The following TOP1 variants were observed in gnomAD, a reference collection of about 807,000 sequenced individuals.
The protein encoded by TOP1 is DNA topoisomerase 1.
In TOP1, 10 loss-of-function variants were observed where a neutral mutation model predicts 111.1. That is an observed-to-expected ratio of 0.09 (90% CI 0.06 to 0.15). The LOEUF is 0.15. Ranked by LOEUF, TOP1 falls within the 10% of genes least tolerant of loss-of-function variation. The pLI, the probability that TOP1 is intolerant of heterozygous loss-of-function variation, is 1.00. For missense variants in TOP1, 474 were observed against 926.7 expected (o/e 0.51, Z 6.34); for synonymous variants, 271 against 302.9 (o/e 0.89, Z 1.10).
chr20:41,096,061 C>G (rs2033977583), intron 9 of TOP1, among the ~76,000 whole-genome samples: 1 of 152,116 alleles, frequency 6.6e-6, no homozygotes, highest in Admixed American at 6.6e-5. Flanking sequence ...ACATCTGAGT[C>G]CCTTTAGACA....
At position 41,102,388 on chromosome 20, in the gene TOP1, T is replaced by C. The variant is rs1227947251; in HGVS notation, c.1308+1035T>C. On this transcript the variant is annotated intron_variant, in intron 13 of 20. Coordinates refer to ENST00000361337, the MANE Select transcript of TOP1 (RefSeq NM_003286.4). The surrounding 1 kb of genome is among the most constrained non-coding windows in gnomAD (Gnocchi z 4.0). ...ACTTTGGGAGGCCGAGATGGGCGGA[T>C]CACCTGAGGTCAGGAGTTCGAGACC... Among the ~76,000 whole-genome samples, 3 of 152,186 alleles carry C rather than the reference T, an allele frequency of 2.0e-5. No homozygotes were observed. Among genetic ancestry groups the C allele is most frequent in the Non-Finnish European group, 4.4e-5 (3 of 68,038 alleles).
intron 2 of TOP1, among the ~76,000 whole-genome samples, chr20:41,051,042 G>A (rs1036690671): frequency 2.0e-5 from 3 of 152,188 alleles, no homozygotes; most frequent in African/African-American, 4.8e-5. Flanking sequence ...TTCACCCATT[G>A]TGTTCACTCA....
At chr20:41,062,214 C>T (rs1247825025) in intron 3 of TOP1, among the ~76,000 whole-genome samples, 1 of 152,168 alleles carries the variant, frequency 6.6e-6, no homozygotes, top group Non-Finnish European at 1.5e-5. Flanking sequence ...ATATGGTATT[C>T]CCATTCCCAT....
intron 2 of TOP1, among the ~76,000 whole-genome samples, chr20:41,037,357 AAT>A (rs1225384724): frequency 2.6e-5 from 4 of 152,342 alleles, no homozygotes; most frequent in Admixed American, 1.3e-4. Context: ...CACAAAATTC[AAT>A]ATGTCTTGTG....
At chr20:41,059,020 A>T (rs2033509757) in intron 2 of TOP1, among the ~76,000 whole-genome samples, 1 of 152,146 alleles carries the variant, frequency 6.6e-6, no homozygotes, top group African/African-American at 2.4e-5. Context: ...CTTTGCAGGA[A>T]CATGGATGGA....
rs1223638116 is a variant in TOP1 at position 41,069,120 on chromosome 20, T to C, written c.156-7051T>C. 6.6e-6 allele frequency among the ~76,000 whole-genome samples: 1 copy of C among 152,256 alleles called. No individual in the cohort carries two copies. Among genetic ancestry groups the C allele is most frequent in the Non-Finnish European group, 1.5e-5 (1 of 68,042 alleles). On this transcript the variant is annotated intron_variant, in intron 3 of 20. Transcript: ENST00000361337. This position sits in a 1 kb window ranked among gnomAD's most constrained non-coding sequence, Gnocchi z 4.1. ...GAATAAGGATGCTTTTGGCTTCTGC[T>C]TTCCTTTTAGTTCCAAATCCTACCT...
At position 41,082,068 on chromosome 20, in the gene TOP1, G is replaced by C. The variant is rs377421570; in HGVS notation, c.507+828G>C. ...AAGAAAAGATGTCAGAAATTCACAG[G>C]GGTCTTAATGATGCCCTCCCCTAAG... On this transcript the variant is annotated intron_variant, in intron 7 of 20. Coordinates refer to ENST00000361337, the MANE Select transcript of TOP1 (RefSeq NM_003286.4). This position sits in a 1 kb window ranked among gnomAD's most constrained non-coding sequence, Gnocchi z 4.1. 2.6e-5 allele frequency among the ~76,000 whole-genome samples: 4 copies of C among 152,102 alleles called. No individual in the cohort carries two copies. Among genetic ancestry groups the C allele is most frequent in the South Asian group, 2.1e-4 (1 of 4,822 alleles).
chr20:41,077,511 A>G (rs559819828), intron 4 of TOP1, 71 bp from the exon 5 acceptor site: 2 of 1,248,128 alleles, frequency 1.6e-6, no homozygotes, highest in African/African-American at 3.0e-5. Flanking sequence ...CTGATGCTAC[A>G]TATTCTCAAA....
chr20:41,120,480 G>A (rs149940372), intron 18 of TOP1, among the ~76,000 whole-genome samples: 1 of 152,336 alleles, frequency 6.6e-6, no homozygotes, highest in African/African-American at 2.4e-5. Flanking sequence ...GGGTTCTCCT[G>A]CCCTCTGAGT....
chr20:41,077,613 A>G lies in TOP1; in HGVS notation c.311A>G (p.Lys104Arg). ...VRASGDAKIKKEKENGFSSPP... is the reference protein window; with the variant it reads ...VRASGDAKIKREKENGFSSPP... ...GCCTCTGGGGATGCAAAAATAAAGA[A>G]GGAGAAGGAAAATGGCTTCTCTAGG... is the stretch of plus-strand genomic sequence containing the variant. The change falls in exon 5 of 21, where the codon AAG becomes AGG. Residue 104 changes from lysine (K) to arginine (R), a missense_variant. Transcript: ENST00000361337. The G allele has an allele frequency of 6.2e-7, 1 of 1,614,150 alleles. No individual in the cohort carries two copies. The highest frequency in any genetic ancestry group is 8.5e-7 in the Non-Finnish European group (1 of 1,179,968).
At position 41,028,829 on chromosome 20, in the gene TOP1, G is replaced by T; in HGVS notation, c.-239G>T. The T allele has an allele frequency of 1.9e-6, 1 of 517,602 alleles. No individual in the cohort carries two copies. The highest frequency in any genetic ancestry group is 2.4e-5 in the South Asian group (1 of 41,668). The allele number at this position is 517,602 out of a possible 1,614,324, so 32.1% of individuals were successfully genotyped here. On this transcript the variant is annotated 5_prime_UTR_variant, in exon 1 of 21. Transcript: ENST00000361337. ...GCGCAGGCGCAGTGAGCCCAAATGC[G>T]AACTTAGGCTGTTACACAACTGCTG...
rs1375274684 is a variant in TOP1 at position 41,061,950 on chromosome 20, A to C, written c.155+460A>C. 1.3e-5 allele frequency among the ~76,000 whole-genome samples: 2 copies of C among 152,200 alleles called. No homozygotes were observed. Among genetic ancestry groups the C allele is most frequent in the Non-Finnish European group, 2.9e-5 (2 of 68,034 alleles). ...TTATATGCAAATGGTTGAGTATATG[A>C]GATTTCCTGGAGAGACTATTTGTAG... On this transcript the variant is annotated intron_variant, in intron 3 of 20. Coordinates refer to ENST00000361337, the MANE Select transcript of TOP1 (RefSeq NM_003286.4). The surrounding 1 kb of genome is among the most constrained non-coding windows in gnomAD (Gnocchi z 4.6).
Position 41,095,450 on chromosome 20 carries a change from T to C in TOP1, c.731-1770T>C, listed in dbSNP as rs1386266723. ...AATGTTTTCCTTTATATTGGAAACATGTTACAGTTTTCTAAAGAAGTTCAG... is the reference window on the plus strand; with the variant it reads ...AATGTTTTCCTTTATATTGGAAACACGTTACAGTTTTCTAAAGAAGTTCAG... On this transcript the variant is annotated intron_variant, in intron 9 of 20. Transcript: ENST00000361337. This position sits in a 1 kb window ranked among gnomAD's most constrained non-coding sequence, Gnocchi z 4.6. Among the ~76,000 whole-genome samples, 1 of 152,202 alleles carries C rather than the reference T, an allele frequency of 6.6e-6. No homozygotes were observed. The highest frequency in any genetic ancestry group is 1.9e-4 in the East Asian group (1 of 5,198).
intron 18 of TOP1, among the ~76,000 whole-genome samples, chr20:41,120,531 A>G (rs1254424717): frequency 6.6e-6 from 1 of 152,212 alleles, no homozygotes; most frequent in Non-Finnish European, 1.5e-5. Context: ...CCATGTTGTT[A>G]TCCACTGCTG....
In TOP1 at chr20:41,032,813, G is replaced by A. The variant is rs1288956918; in HGVS notation, c.58+3358G>A. Among the ~76,000 whole-genome samples the A allele has an allele frequency of 6.6e-6, 1 of 152,158 alleles. No homozygotes were observed. The highest frequency in any genetic ancestry group is 1.5e-5 in the Non-Finnish European group (1 of 68,034). On this transcript the variant is annotated intron_variant, in intron 2 of 20. Transcript: ENST00000361337. This position sits in a 1 kb window ranked among gnomAD's most constrained non-coding sequence, Gnocchi z 4.3. ...CTGTTGGGTATGGGTTGGGATGGGC[G>A]GTAGCATAGCTGATTGCGGTGGGGG...
rs1177822641 is a variant in TOP1 at position 41,101,433 on chromosome 20, A to G, written c.1308+80A>G. 4.2e-6 allele frequency: 6 copies of G among 1,414,474 alleles called. No homozygotes were observed. The South Asian group carries it at 5.7e-5, about 13-fold the overall frequency. The allele number at this position is 1,414,474 out of a possible 1,614,324, so 87.6% of individuals were successfully genotyped here. On this transcript the variant is annotated intron_variant, in intron 13 of 20. Transcript: ENST00000361337. This position sits in a 1 kb window ranked among gnomAD's most constrained non-coding sequence, Gnocchi z 4.1. ...TTGAAATGTAACGTTCTCGTCCTCT[A>G]GAATCACTTTGACAAATTAAAAATC... is the stretch of plus-strand genomic sequence containing the variant.
intron 2 of TOP1, among the ~76,000 whole-genome samples, chr20:41,040,386 A>C (rs951769913): frequency 1.3e-5 from 2 of 152,242 alleles, no homozygotes; most frequent in African/African-American, 4.8e-5. Context: ...ACTATTTAAT[A>C]CCAGAAATGA....
Position 41,046,364 on chromosome 20 carries a change from A to T in TOP1, c.59-15030A>T, listed in dbSNP as rs1407043000. On this transcript the variant is annotated intron_variant, in intron 2 of 20. Coordinates refer to ENST00000361337, the MANE Select transcript of TOP1 (RefSeq NM_003286.4). The surrounding 1 kb of genome is among the most constrained non-coding windows in gnomAD (Gnocchi z 4.3). ...AGGGAGGCTAATCTAGGCCTACCTCATGCCACAGCCTGAGTTCTTAGTTGT... is the reference window on the plus strand; with the variant it reads ...AGGGAGGCTAATCTAGGCCTACCTCTTGCCACAGCCTGAGTTCTTAGTTGT... Among the ~76,000 whole-genome samples the T allele has an allele frequency of 1.3e-5, 2 of 152,236 alleles. No individual in the cohort carries two copies. The highest frequency in any genetic ancestry group is 1.3e-4 in the Admixed American group (2 of 15,282).
At chr20:41,073,086 T>C (rs2033685855) in intron 3 of TOP1, 2 of 985,364 alleles carry the variant, frequency 2.0e-6, no homozygotes, top group Non-Finnish European at 2.4e-6. Context: ...CTGGCAAATG[T>C]CTCATTTGCC....
Sources: gnomAD v4.1 joint callset for allele counts (sites outside exome capture counted in the v4.1 genomes callset) on GRCh38, gnomAD v4.1.1 for gene constraint, Gnocchi (gnomAD v3.1) non-coding constraint, MANE v1.5 for transcripts, NCBI Gene and HGNC (gene_info 2026-07-23, HGNC 2026-07-21) for gene names.